Variants in GLRX2 observed in about 807,000 individuals in gnomAD.
GLRX2 encodes the protein glutaredoxin 2, also known as bA101E13.1 (GRX2 glutaredoxin (thioltransferase) 2).
A neutral mutation model predicts 16.4 loss-of-function variants in GLRX2; 12 were observed. The ratio of observed to expected loss-of-function variants is 0.73; its 90% CI spans 0.47 to 1.19. The LOEUF (loss-of-function observed/expected upper bound fraction) is 1.19, where lower values mean the gene tolerates loss of function less well. GLRX2 is among the 50% of genes most tolerant of loss of function. The pLI is 0.00. For missense variants in GLRX2, 201 were observed against 201.8 expected (o/e 1.00, Z 0.02); for synonymous variants, 95 against 76.2 (o/e 1.25, Z -1.28).
intron 1 of GLRX2, 31 bp downstream of exon 1, chr1:193,105,233 G>A (rs1208413283): frequency 2.0e-6 from 3 of 1,529,968 alleles, no homozygotes; most frequent in African/African-American, 2.9e-5. Context: ...TGCGCACCAC[G>A]CCGCGGCACT....
intron 1 of GLRX2, among the ~76,000 whole-genome samples, chr1:193,102,830 G>A (rs551785283): frequency 5.9e-5 from 9 of 152,204 alleles, no homozygotes; most frequent in South Asian, 2.1e-4. Flanking sequence ...AAAATAGTTC[G>A]TAAGTTTTAA....
upstream of GLRX2, chr1:193,105,841 C>A: frequency 7.7e-7 from 1 of 1,291,548 alleles, no homozygotes; most frequent in African/African-American, 1.6e-5. Flanking sequence ...GAAATAAGAG[C>A]CTAAATATAT....
At chr1:193,105,659 C>A (rs1340384136), upstream of GLRX2, 2 of 1,596,946 alleles carry the variant, frequency 1.3e-6, no homozygotes, top group Admixed American at 1.7e-5. Context: ...CCTCTGGATT[C>A]TTTTAGGTTT....
At chr1:193,104,728 G>A (rs189877954) in intron 1 of GLRX2, among the ~76,000 whole-genome samples, 111 of 152,362 alleles carry the variant, frequency 7.3e-4, no homozygotes, top group African/African-American at 2.4e-3. Flanking sequence ...CCTCGGTCTA[G>A]CCGCAGGCGG....
At chr1:193,101,398 G>A (rs1675073772) in intron 1 of GLRX2, among the ~76,000 whole-genome samples, 194 bp from the exon 2 acceptor site, 1 of 152,166 alleles carries the variant, frequency 6.6e-6, no homozygotes, top group Non-Finnish European at 1.5e-5. Flanking sequence ...AGGCCTGTGT[G>A]CTTATGTAAC....
intron 1 of GLRX2, among the ~76,000 whole-genome samples, chr1:193,104,952 T>C (rs1446045439): frequency 6.6e-6 from 1 of 152,264 alleles, no homozygotes; most frequent in Non-Finnish European, 1.5e-5. Context: ...CATTCGCTCT[T>C]TCAGAGAAAT....
chr1:193,102,580 T>A (rs945045097), intron 1 of GLRX2, among the ~76,000 whole-genome samples: 2 of 152,202 alleles, frequency 1.3e-5, no homozygotes, highest in African/African-American at 4.8e-5. Context: ...CTCGAACTCC[T>A]GACCTCATAT....
At chr1:193,098,867 C>A (rs902782506) in intron 2 of GLRX2, among the ~76,000 whole-genome samples, 4 of 152,138 alleles carry the variant, frequency 2.6e-5, no homozygotes, top group African/African-American at 9.7e-5. Flanking sequence ...CATTATACTT[C>A]TTTTCAAATA....
intron 1 of GLRX2, 177 bp downstream of exon 1, chr1:193,105,087 G>T: frequency 1.6e-6 from 1 of 606,078 alleles, no homozygotes; most frequent in Non-Finnish European, 2.1e-6. Flanking sequence ...GCCGCGGAGG[G>T]CACCCTTCCC....
intron 1 of GLRX2, among the ~76,000 whole-genome samples, chr1:193,102,138 A>G (rs973867629): frequency 1.3e-5 from 2 of 152,218 alleles, no homozygotes; most frequent in African/African-American, 4.8e-5. Flanking sequence ...AAAGAATAAG[A>G]GAATTTTTGA....
chr1:193,097,681 T>C lies in GLRX2; in HGVS notation c.263A>G (p.His88Arg), dbSNP rs765841119. The change falls in exon 3 of 4, where the codon CAT (histidine) becomes CGT (arginine). Residue 88 changes from histidine to arginine, a missense_variant. Physicochemically the swap from His to Arg is conservative, Grantham distance 29 (BLOSUM62 0). Coordinates refer to ENST00000367439, the MANE Select transcript of GLRX2 (RefSeq NM_197962.3). ...SYCTMAKKLF[H>R]DMNVNYKVVE... ...CACTTTATAGTTAACATTCATGTCATGGAAAAGCTTTTTTGCCATTGTACA... is the reference window on the plus strand; with the variant it reads ...CACTTTATAGTTAACATTCATGTCACGGAAAAGCTTTTTTGCCATTGTACA... The C allele has an allele frequency of 1.2e-6, 2 of 1,613,324 alleles. No individual in the cohort carries two copies. Among genetic ancestry groups the C allele is most frequent in the Non-Finnish European group, 1.7e-6 (2 of 1,179,468 alleles).
At chr1:193,105,128 T>A in intron 1 of GLRX2, 136 bp downstream of exon 1, 4 of 1,317,966 alleles carry the variant, frequency 3.0e-6, no homozygotes, top group Non-Finnish European at 3.9e-6. Flanking sequence ...CTGCGTGTTA[T>A]GACTCAGAGC....
chr1:193,099,427 ACCT>A (rs1675029051), intron 2 of GLRX2, among the ~76,000 whole-genome samples: 1 of 151,982 alleles, frequency 6.6e-6, no homozygotes, highest in South Asian at 2.1e-4. Flanking sequence ...TGCAGCCTTA[ACCT>A]CCTGAGCTCA....
At chr1:193,105,968 GATT>G, upstream of GLRX2, 2 of 991,650 alleles carry the variant, frequency 2.0e-6, no homozygotes, top group Non-Finnish European at 2.4e-6. Flanking sequence ...AGAAGACAAA[GATT>G]ATTTCCCACC....
In GLRX2 at chr1:193,098,129, A is replaced by T. The variant is rs34029525; in HGVS notation, c.184-369T>A. Among the ~76,000 whole-genome samples, 269 of 152,318 alleles carry T rather than the reference A, an allele frequency of 1.8e-3. 5 individuals are homozygous for T. The East Asian group carries it at 0.039, about 22-fold the overall frequency. ...TATTGTCCCCACTTCACAGTTGAGGAAAGTGAGGTGCAGAGGAAGATCAAC... is the reference window on the plus strand; with the variant it reads ...TATTGTCCCCACTTCACAGTTGAGGTAAGTGAGGTGCAGAGGAAGATCAAC... On this transcript the variant is annotated intron_variant, in intron 2 of 3. Transcript: ENST00000367439.
At chr1:193,105,422 A>C, upstream of GLRX2, 1 of 1,475,988 alleles carries the variant, frequency 6.8e-7, no homozygotes, top group South Asian at 1.3e-5. Flanking sequence ...ACTGCCGGAC[A>C]CCGCGGATCC....
Position 193,101,187 on chromosome 1 carries a change from G to A in GLRX2, c.137C>T (p.Ser46Leu). The change falls in exon 2 of 4, where the codon TCA (serine) becomes TTA (leucine). Residue 46 changes from serine (S) to leucine (L), a missense_variant. Coordinates refer to ENST00000367439, the MANE Select transcript of GLRX2 (RefSeq NM_197962.3). The part of the protein sequence containing the change: ...AAASGMESNT[S>L]SSLENLATAP... ...CGTCGCTAAATTCTCCAAAGATGATGATGTATTGCTCTCCATCCTAAAAGG... is the reference window on the plus strand; with the variant it reads ...CGTCGCTAAATTCTCCAAAGATGATAATGTATTGCTCTCCATCCTAAAAGG... 3.7e-6 allele frequency: 6 copies of A among 1,605,382 alleles called. No individual in the cohort carries two copies. Among genetic ancestry groups the A allele is most frequent in the Non-Finnish European group, 5.1e-6 (6 of 1,172,086 alleles).
In GLRX2 at chr1:193,104,497, G is replaced by A. The variant is rs544479810; in HGVS notation, c.119+767C>T. On this transcript the variant is annotated intron_variant, in intron 1 of 3. Transcript: ENST00000367439. ...TAGCTTGGTCTGGAAAGTTAAACTTGAGATTCCTAGAATCTTGCAAAACTG... is the reference window on the plus strand; with the variant it reads ...TAGCTTGGTCTGGAAAGTTAAACTTAAGATTCCTAGAATCTTGCAAAACTG... Among the ~76,000 whole-genome samples the A allele has an allele frequency of 7.2e-5, 11 of 152,332 alleles. No individual in the cohort carries two copies. In the South Asian group the frequency reaches 2.1e-3, roughly 29 times the overall value.
intron 1 of GLRX2, among the ~76,000 whole-genome samples, chr1:193,102,437 C>T (rs1470582416): frequency 1.3e-5 from 2 of 152,122 alleles, no homozygotes; most frequent in East Asian, 1.9e-4. Flanking sequence ...CTGCAATCTC[C>T]GCTTCCCAGG....
Sources: allele counts gnomAD v4.1 joint callset (sites outside exome capture counted in the v4.1 genomes callset), GRCh38; gene constraint gnomAD v4.1.1; transcripts MANE v1.5; gene names NCBI Gene and HGNC (gene_info 2026-07-23, HGNC 2026-07-21).